The following CNTNAP5 variants were observed in gnomAD, a reference collection of about 807,000 sequenced individuals.
The protein encoded by CNTNAP5 is contactin associated protein family member 5, also known as contactin-associated protein-like 5.
Under a neutral mutation model 150.2 loss-of-function variants are expected in CNTNAP5, and 72 were observed. The observed-to-expected ratio is 0.48, with a 90% CI of 0.40 to 0.58. CNTNAP5 has a LOEUF of 0.58. CNTNAP5 is among the 20% of genes least tolerant of loss of function. The pLI is 0.00. For missense variants in CNTNAP5, 1,636 were observed against 1,626.2 expected (o/e 1.01, Z -0.10); for synonymous variants, 672 against 619.8 (o/e 1.08, Z -1.25).
intron 19 of CNTNAP5, among the ~76,000 whole-genome samples, chr2:124,831,943 G>C (rs1682724869): frequency 6.6e-6 from 1 of 151,962 alleles, no homozygotes. Context: ...ACCTAAGTAA[G>C]AACTTTAAAA....
At chr2:124,381,532 A>G (rs1013381082) in intron 3 of CNTNAP5, among the ~76,000 whole-genome samples, 1 of 150,046 alleles carries the variant, frequency 6.7e-6, no homozygotes, top group Non-Finnish European at 1.5e-5. Context: ...TGATAGGATC[A>G]CCCCCCCCTC....
chr2:124,846,444 C>T (rs1433490698), intron 19 of CNTNAP5, among the ~76,000 whole-genome samples: 1 of 152,004 alleles, frequency 6.6e-6, no homozygotes, highest in Non-Finnish European at 1.5e-5. Flanking sequence ...ATTTTACTGT[C>T]TATTTCACTG....
intron 13 of CNTNAP5, among the ~76,000 whole-genome samples, chr2:124,656,275 G>A (rs2105038636): frequency 6.6e-6 from 1 of 152,242 alleles, no homozygotes; most frequent in South Asian, 2.1e-4. Flanking sequence ...TCAAAGTCTA[G>A]GCCCTTAGAC....
chr2:124,527,832 A>G (rs1377303151), intron 10 of CNTNAP5, among the ~76,000 whole-genome samples: 5 of 152,194 alleles, frequency 3.3e-5, no homozygotes, highest in Non-Finnish European at 5.9e-5. Context: ...TTTCTAACAC[A>G]GGCAGATGAG....
chr2:124,792,336 A>G (rs896768418), intron 18 of CNTNAP5, among the ~76,000 whole-genome samples: 1 of 152,172 alleles, frequency 6.6e-6, no homozygotes, highest in Non-Finnish European at 1.5e-5. Flanking sequence ...ATCTAAATTT[A>G]ACTTATTGGG....
chr2:124,415,035 C>T (rs112451883), intron 3 of CNTNAP5, among the ~76,000 whole-genome samples: 86 of 152,252 alleles, frequency 5.6e-4, no homozygotes, highest in African/African-American at 1.5e-3. Flanking sequence ...GTGGTATGGA[C>T]GCAAGGACAT....
intron 11 of CNTNAP5, among the ~76,000 whole-genome samples, chr2:124,577,287 A>T (rs1466858858): frequency 6.6e-6 from 1 of 152,182 alleles, no homozygotes; most frequent in African/African-American, 2.4e-5. Context: ...AGAGTGAGAA[A>T]TTGCCTTTAC....
chr2:124,684,936 G>A (rs1679157000), intron 13 of CNTNAP5, among the ~76,000 whole-genome samples: 1 of 152,118 alleles, frequency 6.6e-6, no homozygotes, highest in African/African-American at 2.4e-5. Flanking sequence ...AGGCCCCAAA[G>A]CCTTGACTTT....
chr2:124,198,759 G>T (rs530737097), intron 1 of CNTNAP5, among the ~76,000 whole-genome samples: 5 of 144,430 alleles, frequency 3.5e-5, no homozygotes, highest in Non-Finnish European at 4.6e-5. Flanking sequence ...TATTTTTTAG[G>T]TTTTTTTTTT....
chr2:124,741,928 C>T (rs997669296), intron 13 of CNTNAP5, among the ~76,000 whole-genome samples: 2 of 151,928 alleles, frequency 1.3e-5, no homozygotes, highest in African/African-American at 4.8e-5. Context: ...TTATTTCTGT[C>T]TTTTTGTGGC....
intron 1 of CNTNAP5, among the ~76,000 whole-genome samples, chr2:124,216,704 A>C (rs942615575): frequency 7.9e-5 from 12 of 152,106 alleles, no homozygotes; most frequent in Admixed American, 5.2e-4. Context: ...CCATGTCCCT[A>C]CAAAGGACAT....
intron 14 of CNTNAP5, among the ~76,000 whole-genome samples, chr2:124,753,121 C>T (rs750830800): frequency 7.9e-5 from 12 of 151,888 alleles, no homozygotes; most frequent in Admixed American, 2.6e-4. Flanking sequence ...CTTAGTGTAC[C>T]CTTGTATAAA....
intron 1 of CNTNAP5, among the ~76,000 whole-genome samples, chr2:124,050,451 G>A (rs929759494): frequency 3.3e-5 from 5 of 152,162 alleles, no homozygotes; most frequent in South Asian, 2.1e-4. Context: ...GAGACAGAGC[G>A]AGGCCCTGTC....
chr2:124,757,199 GA>G (rs1413423398), intron 14 of CNTNAP5, among the ~76,000 whole-genome samples: 3 of 152,224 alleles, frequency 2.0e-5, no homozygotes, highest in African/African-American at 7.2e-5. Flanking sequence ...ATGTGGAACA[GA>G]AGAGCTCATG....
At chr2:124,158,386 C>A (rs892570002) in intron 1 of CNTNAP5, among the ~76,000 whole-genome samples, 8 of 152,156 alleles carry the variant, frequency 5.3e-5, no homozygotes, top group African/African-American at 1.9e-4. Flanking sequence ...TTCATATAAC[C>A]TACGCACATC....
intron 7 of CNTNAP5, among the ~76,000 whole-genome samples, chr2:124,491,871 A>G (rs1694037705): frequency 6.6e-6 from 1 of 152,082 alleles, no homozygotes; most frequent in South Asian, 2.1e-4. Context: ...AACAATATGA[A>G]TACCTGTTGG....
At chr2:124,296,906 C>T (rs929271754) in intron 3 of CNTNAP5, among the ~76,000 whole-genome samples, 1 of 152,178 alleles carries the variant, frequency 6.6e-6, no homozygotes, top group Non-Finnish European at 1.5e-5. Flanking sequence ...CCCCAGCCTG[C>T]AGCCGTTCTG....
intron 3 of CNTNAP5, among the ~76,000 whole-genome samples, chr2:124,339,539 G>A (rs1039068434): frequency 1.3e-5 from 2 of 152,128 alleles, no homozygotes; most frequent in South Asian, 2.1e-4. Flanking sequence ...GAAGTTTTGA[G>A]TTTGCAGGAG....
At chr2:124,684,703 T>C (rs981653653) in intron 13 of CNTNAP5, among the ~76,000 whole-genome samples, 1 of 152,168 alleles carries the variant, frequency 6.6e-6, no homozygotes, top group Non-Finnish European at 1.5e-5. Flanking sequence ...ATCTATGCAA[T>C]ACTCATCATA....
Sources: gnomAD v4.1 joint callset for allele counts (sites outside exome capture counted in the v4.1 genomes callset) on GRCh38, gnomAD v4.1.1 for gene constraint, MANE v1.5 for transcripts, NCBI Gene and HGNC (gene_info 2026-07-23, HGNC 2026-07-21) for gene names.